Variants in GRIA4 observed in about 807,000 individuals in gnomAD.
GRIA4 encodes glutamate ionotropic receptor AMPA type subunit 4.
Under a neutral mutation model 104.0 loss-of-function variants are expected in GRIA4, and 34 were observed. That is an observed-to-expected ratio of 0.33 (90% confidence interval 0.25 to 0.44). The LOEUF is 0.44. Ranked by LOEUF, GRIA4 falls within the 20% of genes least tolerant of loss-of-function variation. GRIA4 has a pLI of 1.00. For missense variants in GRIA4, 750 were observed against 1,096.5 expected (o/e 0.68, Z 4.46); for synonymous variants, 386 against 381.9 (o/e 1.01, Z -0.13).
intron 3 of GRIA4, among the ~76,000 whole-genome samples, chr11:105,627,026 T>G (rs1950903086): frequency 6.6e-6 from 1 of 152,212 alleles, no homozygotes; most frequent in Non-Finnish European, 1.5e-5. Context: ...GAAATTCTAG[T>G]AAATGAATGA....
intron 4 of GRIA4, among the ~76,000 whole-genome samples, chr11:105,784,142 A>G (rs942283285): frequency 6.6e-6 from 1 of 152,192 alleles, no homozygotes; most frequent in African/African-American, 2.4e-5. Context: ...CCCACCTGTG[A>G]AAAATGCTTA....
At chr11:105,867,169 A>C (rs955846985) in intron 5 of GRIA4, among the ~76,000 whole-genome samples, 1 of 152,116 alleles carries the variant, frequency 6.6e-6, no homozygotes, top group Non-Finnish European at 1.5e-5. Flanking sequence ...AAAAAAGCCT[A>C]AAAGCCACGG....
intron 14 of GRIA4, among the ~76,000 whole-genome samples, chr11:105,934,388 C>A: frequency 6.6e-6 from 1 of 152,098 alleles, no homozygotes; most frequent in Non-Finnish European, 1.5e-5. Context: ...CTTTTTCTAG[C>A]AAACCACTTT....
intron 14 of GRIA4, among the ~76,000 whole-genome samples, chr11:105,944,938 T>A (rs1397757267): frequency 6.6e-6 from 1 of 152,234 alleles, no homozygotes; most frequent in Admixed American, 6.5e-5. Flanking sequence ...TTCTCAGATG[T>A]TTTTCTAGCT....
At chr11:105,961,149 G>A (rs929628231) in intron 14 of GRIA4, among the ~76,000 whole-genome samples, 1 of 152,128 alleles carries the variant, frequency 6.6e-6, no homozygotes, top group African/African-American at 2.4e-5. Flanking sequence ...ACTATACAAA[G>A]CATATCTTTA....
intron 3 of GRIA4, among the ~76,000 whole-genome samples, chr11:105,695,506 G>GTGTGCGTGTGTC (rs1471036190): frequency 2.1e-5 from 1 of 48,422 alleles, no homozygotes; most frequent in East Asian, 1.0e-3. Context: ...GTGTGTCTGT[G>GTGTGCGTGTGTC]TGTGTGTGCG....
chr11:105,707,440 GA>G (rs1392699668), intron 3 of GRIA4: 1 of 152,174 alleles, frequency 6.6e-6, no homozygotes, highest in African/African-American at 2.4e-5. Flanking sequence ...TACCTGTACT[GA>G]AAGTTCATGG....
intron 4 of GRIA4, among the ~76,000 whole-genome samples, chr11:105,800,779 A>AT (rs141692488): frequency 0.68 from 103,249 of 151,336 alleles, 35,513 homozygotes; most frequent in African/African-American, 0.78. Context: ...CTACATTAAA[A>AT]ATTTTAATTT....
At chr11:105,880,154 A>G (rs923618750) in intron 5 of GRIA4, among the ~76,000 whole-genome samples, 4 of 152,210 alleles carry the variant, frequency 2.6e-5, no homozygotes, top group Non-Finnish European at 5.9e-5. Flanking sequence ...ATGTGCTTCA[A>G]ACTCATAATC....
intron 3 of GRIA4, among the ~76,000 whole-genome samples, chr11:105,635,295 A>G (rs543371976): frequency 2.0e-5 from 3 of 152,200 alleles, no homozygotes; most frequent in Non-Finnish European, 4.4e-5. Flanking sequence ...TTGAATTACA[A>G]GCATACTAGG....
intron 6 of GRIA4, among the ~76,000 whole-genome samples, chr11:105,892,366 TAGG>T (rs1293290608): frequency 6.6e-6 from 1 of 152,152 alleles, no homozygotes; most frequent in Non-Finnish European, 1.5e-5. Flanking sequence ...AATTTACATC[TAGG>T]AGAACACCTG....
intron 12 of GRIA4, among the ~76,000 whole-genome samples, chr11:105,926,449 T>C (rs547502495): frequency 6.6e-6 from 1 of 152,262 alleles, no homozygotes; most frequent in East Asian, 1.9e-4. Context: ...CAACTAAGTA[T>C]TCCCCTTGAG....
In GRIA4 at chr11:105,931,087, G is replaced by A. The variant is rs11226878; in HGVS notation, c.2047-2635G>A. On this transcript the variant is annotated intron_variant, in intron 13 of 16. Transcript: ENST00000282499. ...GTAAAATGAAAGAGTTTGTTCTCTG[G>A]AACAGAACTCTATTTTTAGAGATGG... Among the ~76,000 whole-genome samples the A allele has an allele frequency of 1.8e-3, 268 of 152,066 alleles. 4 individuals are homozygous for A. In the East Asian group the frequency reaches 0.023, roughly 13 times the overall value.
chr11:105,856,070 T>G (rs1173573020), intron 4 of GRIA4, among the ~76,000 whole-genome samples: 1 of 152,202 alleles, frequency 6.6e-6, no homozygotes, highest in African/African-American at 2.4e-5. Flanking sequence ...TAAGCTGATT[T>G]ATTCTGTATC....
At chr11:105,778,335 G>A (rs1159526633) in intron 4 of GRIA4, among the ~76,000 whole-genome samples, 3 of 152,178 alleles carry the variant, frequency 2.0e-5, no homozygotes, top group Non-Finnish European at 2.9e-5. Flanking sequence ...TGCATGCTAT[G>A]CACAAATCCC....
At chr11:105,927,818 G>A (rs1020198673) in intron 13 of GRIA4, among the ~76,000 whole-genome samples, 2 of 151,872 alleles carry the variant, frequency 1.3e-5, no homozygotes, top group South Asian at 4.2e-4. Flanking sequence ...TAAAAAGTTC[G>A]CCAGAGTGAC....
At position 105,888,018 on chromosome 11, in the gene GRIA4, A is replaced by G. The variant is rs558758808; in HGVS notation, c.726+446A>G. Among the ~76,000 whole-genome samples, 4 of 152,302 alleles carry G rather than the reference A, an allele frequency of 2.6e-5. No homozygotes were observed. In the South Asian group the frequency reaches 8.3e-4, roughly 32 times the overall value. On this transcript the variant is annotated intron_variant, in intron 6 of 16. Transcript: ENST00000282499. ...ATCCAAATTTTTAAAAATTATGTCA[A>G]CTTTTCACATATCATATAGAAATGG... is the stretch of plus-strand genomic sequence containing the variant.
intron 10 of GRIA4, among the ~76,000 whole-genome samples, chr11:105,917,039 A>AACAATTCACCAATTTTATAACC (rs1004974076): frequency 7.9e-5 from 12 of 152,200 alleles, no homozygotes; most frequent in Admixed American, 7.2e-4. Context: ...AATGCTTTGC[A>AACAATTCACCAATTTTATAACC]ACAATTCACC....
At chr11:105,778,245 T>C (rs777762763) in intron 4 of GRIA4, among the ~76,000 whole-genome samples, 1 of 152,218 alleles carries the variant, frequency 6.6e-6, no homozygotes, top group African/African-American at 2.4e-5. Flanking sequence ...AAAGTCCTTC[T>C]AGCTTTTGTG....
Sources: gnomAD v4.1 joint callset for allele counts (sites outside exome capture counted in the v4.1 genomes callset) on GRCh38, gnomAD v4.1.1 for gene constraint, MANE v1.5 for transcripts, NCBI Gene and HGNC (gene_info 2026-07-23, HGNC 2026-07-21) for gene names.